Variants in THSD7A observed in about 807,000 individuals in gnomAD.
THSD7A encodes the protein thrombospondin type 1 domain containing 7A, also known as thrombospondin type-1 domain-containing protein 7A.
In THSD7A, 96 loss-of-function variants were observed where a neutral mutation model predicts 231.3. The observed-to-expected ratio is 0.41, with a 90% CI of 0.35 to 0.49. The LOEUF (loss-of-function observed/expected upper bound fraction) is 0.49. THSD7A is among the 20% of genes least tolerant of loss of function. THSD7A has a pLI of 0.05. For missense variants in THSD7A, 2,290 were observed against 2,070.2 expected (o/e 1.11, Z -2.06); for synonymous variants, 940 against 743.3 (o/e 1.26, Z -4.30).
chr7:11,682,228 C>T lies in THSD7A; in HGVS notation c.191-45267G>A, dbSNP rs139632290. Among the ~76,000 whole-genome samples, 558 of 152,044 alleles carry T rather than the reference C, an allele frequency of 3.7e-3. 1 individual carries two copies. Among genetic ancestry groups the T allele is most frequent in the Non-Finnish European group, 5.5e-3 (375 of 67,968 alleles). On this transcript the variant is annotated intron_variant, in intron 1 of 27. Transcript: ENST00000423059. ...GTACAAAGAAACTGGCTAATAACAC[C>T]ACGACAAAACTAACACCTTTAATAT...
At chr7:11,394,155 T>TAACA (rs1203276395) in intron 23 of THSD7A, among the ~76,000 whole-genome samples, 4 of 152,210 alleles carry the variant, frequency 2.6e-5, no homozygotes, top group African/African-American at 9.7e-5. Flanking sequence ...CCCATCAGAC[T>TAACA]AACAGTGGAT....
At chr7:11,691,000 T>C (rs1433917408) in intron 1 of THSD7A, among the ~76,000 whole-genome samples, 1 of 151,674 alleles carries the variant, frequency 6.6e-6, no homozygotes, top group Non-Finnish European at 1.5e-5. Context: ...GCAGCTGACA[T>C]TTTCATCATA....
intron 1 of THSD7A, among the ~76,000 whole-genome samples, chr7:11,668,422 AAAAG>A (rs1420583856): frequency 2.0e-5 from 3 of 151,330 alleles, no homozygotes; most frequent in Non-Finnish European, 4.4e-5. Flanking sequence ...CCATCTCAAA[AAAAG>A]AAAGAAAGAA....
intron 6 of THSD7A, among the ~76,000 whole-genome samples, chr7:11,503,479 G>A (rs1178727003): frequency 6.6e-6 from 1 of 152,114 alleles, no homozygotes; most frequent in East Asian, 1.9e-4. Flanking sequence ...AAACTTAAGA[G>A]CTTCTGCAAA....
chr7:11,540,487 G>A (rs1789098768), intron 6 of THSD7A, among the ~76,000 whole-genome samples: 1 of 152,194 alleles, frequency 6.6e-6, no homozygotes, highest in Non-Finnish European at 1.5e-5. Context: ...GGGGCACCAG[G>A]GTGTTTCTGC....
At chr7:11,649,132 G>T (rs1782397172) in intron 1 of THSD7A, among the ~76,000 whole-genome samples, 1 of 151,866 alleles carries the variant, frequency 6.6e-6, no homozygotes, top group Admixed American at 6.6e-5. Context: ...GCCCTCTCTT[G>T]GTTCATTCAG....
At chr7:11,809,814 A>G (rs1409311427) in intron 1 of THSD7A, among the ~76,000 whole-genome samples, 1 of 152,178 alleles carries the variant, frequency 6.6e-6, no homozygotes, top group East Asian at 1.9e-4. Flanking sequence ...GTTGAGTCTT[A>G]TATGTACCAA....
chr7:11,381,686 G>T (rs1782522801), intron 24 of THSD7A, among the ~76,000 whole-genome samples: 1 of 152,120 alleles, frequency 6.6e-6, no homozygotes, highest in Non-Finnish European at 1.5e-5. Context: ...TTTATAAAAA[G>T]AAATTGCTTA....
chr7:11,801,150 T>A (rs1784263856), intron 1 of THSD7A, among the ~76,000 whole-genome samples: 1 of 152,062 alleles, frequency 6.6e-6, no homozygotes, highest in African/African-American at 2.4e-5. Flanking sequence ...AATTTTTTTT[T>A]AATGAAAACA....
chr7:11,682,918 T>C (rs1783921972), intron 1 of THSD7A, among the ~76,000 whole-genome samples: 1 of 150,574 alleles, frequency 6.6e-6, no homozygotes, highest in Non-Finnish European at 1.5e-5. Flanking sequence ...AGGTCAGGAG[T>C]TGAAGGCCAG....
intron 6 of THSD7A, among the ~76,000 whole-genome samples, chr7:11,511,564 T>C (rs1425020095): frequency 1.3e-5 from 2 of 152,168 alleles, no homozygotes; most frequent in Non-Finnish European, 2.9e-5. Context: ...CAAAACAGCA[T>C]GGTACTGGTA....
At chr7:11,682,674 C>G (rs35801534) in intron 1 of THSD7A, among the ~76,000 whole-genome samples, 22,831 of 151,980 alleles carry the variant, frequency 0.15, 1,847 homozygotes, top group Admixed American at 0.19. Flanking sequence ...CTTCAACATC[C>G]TATTGACAGC....
chr7:11,618,766 G>T (rs1781204470), intron 2 of THSD7A, among the ~76,000 whole-genome samples: 1 of 151,444 alleles, frequency 6.6e-6, no homozygotes, highest in Non-Finnish European at 1.5e-5. Flanking sequence ...ACAGGAGCCT[G>T]GGAGACAGAG....
At chr7:11,824,354 G>T (rs1046602687) in intron 1 of THSD7A, among the ~76,000 whole-genome samples, 2 of 151,970 alleles carry the variant, frequency 1.3e-5, no homozygotes, top group East Asian at 3.9e-4. Context: ...CATATCAGAG[G>T]TCAAGAAACT....
At chr7:11,693,202 T>C (rs1780287953) in intron 1 of THSD7A, among the ~76,000 whole-genome samples, 1 of 151,578 alleles carries the variant, frequency 6.6e-6, no homozygotes, top group South Asian at 2.1e-4. Flanking sequence ...TAGATGTATA[T>C]TTAAATTTAC....
chr7:11,491,189 G>A (rs1786875808), intron 6 of THSD7A, among the ~76,000 whole-genome samples: 2 of 152,074 alleles, frequency 1.3e-5, no homozygotes, highest in African/African-American at 4.8e-5. Context: ...TTGTTAAAGT[G>A]CTAAGGTTGC....
chr7:11,707,998 G>GT (rs1780826628), intron 1 of THSD7A, among the ~76,000 whole-genome samples: 1 of 150,614 alleles, frequency 6.6e-6, no homozygotes. Context: ...ACACTAACAT[G>GT]TCAAACCAAA....
chr7:11,380,151 T>G (rs1161065458), intron 24 of THSD7A, among the ~76,000 whole-genome samples: 1 of 152,214 alleles, frequency 6.6e-6, no homozygotes, highest in Non-Finnish European at 1.5e-5. Context: ...AAATAAATGT[T>G]TTCTTTAAAT....
chr7:11,517,834 G>A (rs778485808), intron 6 of THSD7A, among the ~76,000 whole-genome samples: 32 of 152,166 alleles, frequency 2.1e-4, no homozygotes, highest in Non-Finnish European at 8.8e-5. Flanking sequence ...GTGCCTTTGA[G>A]AAAAATTTAA....
Sources: allele counts gnomAD v4.1 joint callset (sites outside exome capture counted in the v4.1 genomes callset), GRCh38; gene constraint gnomAD v4.1.1; transcripts MANE v1.5; gene names NCBI Gene and HGNC (gene_info 2026-07-23, HGNC 2026-07-21).